Variants in SCN11A observed in about 807,000 individuals in gnomAD.
The protein encoded by SCN11A is sodium channel protein type 11 subunit alpha.
In SCN11A, 122 loss-of-function variants were observed where a neutral mutation model predicts 162.2. The ratio of observed to expected loss-of-function variants is 0.75; its 90% CI spans 0.65 to 0.87. The LOEUF (loss-of-function observed/expected upper bound fraction) is 0.87. Ranked by LOEUF, SCN11A falls within the 40% of genes least tolerant of loss-of-function variation. SCN11A has a pLI of 0.00. For synonymous variants in SCN11A, 758 were observed against 751.5 expected, an observed-to-expected ratio of 1.01 and a Z score of -0.14; for missense variants, 2,015 against 2,181.6, an observed-to-expected ratio of 0.92 and a Z score of 1.52.
At chr3:39,047,657 T>G (rs1466001773) in intron 1 of SCN11A, among the ~76,000 whole-genome samples, 3 of 151,670 alleles carry the variant, frequency 2.0e-5, no homozygotes, top group African/African-American at 7.3e-5. Context: ...CCAGGAAGTA[T>G]AAAAAACTCA....
intron 16 of SCN11A, among the ~76,000 whole-genome samples, chr3:38,902,581 G>A (rs549477471): frequency 6.0e-5 from 9 of 151,164 alleles, no homozygotes; most frequent in Non-Finnish European, 8.8e-5. Context: ...GCAGTGGCAC[G>A]ATCTCGGCTC....
At chr3:38,940,868 T>A (rs2066432933) in intron 7 of SCN11A, among the ~76,000 whole-genome samples, 1 of 152,128 alleles carries the variant, frequency 6.6e-6, no homozygotes, top group Non-Finnish European at 1.5e-5. Flanking sequence ...GATGCCTGCT[T>A]CAATTGTGAT....
intron 17 of SCN11A, among the ~76,000 whole-genome samples, chr3:38,898,194 C>T (rs540806396): frequency 2.0e-5 from 3 of 152,238 alleles, no homozygotes; most frequent in South Asian, 4.1e-4. Flanking sequence ...GCTGAGATCA[C>T]GCCACTGTAC....
At chr3:39,034,476 T>C (rs1031208423) in intron 1 of SCN11A, among the ~76,000 whole-genome samples, 1 of 152,164 alleles carries the variant, frequency 6.6e-6, no homozygotes, top group Non-Finnish European at 1.5e-5. Flanking sequence ...AAAAGCCATA[T>C]ACAACAGACC....
intron 23 of SCN11A, among the ~76,000 whole-genome samples, chr3:38,875,240 T>C (rs1040410491): frequency 6.6e-6 from 1 of 152,218 alleles, no homozygotes; most frequent in African/African-American, 2.4e-5. Context: ...AGATATATAA[T>C]TGTAAGATTA....
intron 14 of SCN11A, among the ~76,000 whole-genome samples, chr3:38,906,129 T>G (rs1267126601): frequency 6.6e-6 from 1 of 152,216 alleles, no homozygotes; most frequent in Admixed American, 6.5e-5. Context: ...TACCTACTTC[T>G]GCAAAGGCCT....
chr3:38,892,033 A>T (rs2065508913), intron 19 of SCN11A, among the ~76,000 whole-genome samples: 1 of 152,268 alleles, frequency 6.6e-6, no homozygotes, highest in African/African-American at 2.4e-5. Flanking sequence ...GAAAGTAGCA[A>T]GAGAAAAGTG....
At chr3:38,902,769 G>A (rs141045123) in intron 16 of SCN11A, among the ~76,000 whole-genome samples, 2,415 of 151,772 alleles carry the variant, frequency 0.016, 64 homozygotes, top group African/African-American at 0.056. Context: ...TGCCTGCCTC[G>A]GCCTCCCAAA....
At position 38,867,320 on chromosome 3, in the gene SCN11A, T is replaced by A; in HGVS notation, c.3951+1A>T. The A allele has an allele frequency of 6.2e-7, 1 of 1,611,766 alleles. No homozygotes were observed. ...CAAATCAAGACAACCCAGATACTTA[T>A]CTTTTTCTGCTGTTGGTTGAAGTTG... On this transcript the variant is annotated splice_donor_variant, in intron 27 of 29. Coordinates refer to ENST00000302328, the MANE Select transcript of SCN11A (RefSeq NM_001349253.2). LOFTEE classifies it high-confidence loss of function.
chr3:38,899,177 C>T (rs1249208591), intron 17 of SCN11A, among the ~76,000 whole-genome samples: 2 of 152,144 alleles, frequency 1.3e-5, no homozygotes, highest in Non-Finnish European at 2.9e-5. Flanking sequence ...TTCCCCTTCT[C>T]AGATTGGATT....
At chr3:39,025,018 C>T (rs920949966) in intron 2 of SCN11A, among the ~76,000 whole-genome samples, 40 of 152,152 alleles carry the variant, frequency 2.6e-4, no homozygotes, top group Admixed American at 1.8e-3. Context: ...ACCCTCAAAG[C>T]GCCAAGTGAA....
In SCN11A at chr3:38,965,304, T is replaced by G. The variant is rs569791236; in HGVS notation, c.-279-4881A>C. Among the ~76,000 whole-genome samples the G allele has an allele frequency of 2.0e-5, 3 of 152,338 alleles. No homozygotes were observed. In the East Asian group the frequency reaches 5.8e-4, roughly 29 times the overall value. ...TAACTGCTAACCTCCTCATAGTCCT[T>G]TCTGAGACCCAGCCCTGGCTCCTCA... On this transcript the variant is annotated intron_variant, in intron 2 of 29. Transcript: ENST00000302328.
chr3:38,894,531 A>T lies in SCN11A; in HGVS notation c.2835+2T>A, dbSNP rs1559513114. ...TTTAAGTCTATGTGTGAACCTTCAT[A>T]CCTGTTGTTCAGGCTCAGGTTGTGT... On this transcript the variant is annotated splice_donor_variant, in intron 19 of 29. Coordinates refer to ENST00000302328, the MANE Select transcript of SCN11A (RefSeq NM_001349253.2). LOFTEE classifies it high-confidence loss of function. The T allele has an allele frequency of 6.3e-7, 1 of 1,595,322 alleles. No homozygotes were observed. The highest frequency in any genetic ancestry group is 1.3e-5 in the African/African-American group (1 of 74,680).
chr3:38,891,113 C>T (rs915753410), intron 19 of SCN11A, among the ~76,000 whole-genome samples: 1 of 150,834 alleles, frequency 6.6e-6, no homozygotes, highest in Non-Finnish European at 1.5e-5. Flanking sequence ...TGCAAAGAAG[C>T]CATTATAAAT....
intron 2 of SCN11A, among the ~76,000 whole-genome samples, chr3:39,029,521 G>A (rs2031689891): frequency 6.6e-6 from 1 of 152,210 alleles, no homozygotes; most frequent in Admixed American, 6.5e-5. Context: ...CCCATAGTGG[G>A]AAAGGACATA....
intron 25 of SCN11A, among the ~76,000 whole-genome samples, chr3:38,871,219 T>A (rs1295281030): frequency 6.6e-6 from 1 of 152,150 alleles, no homozygotes; most frequent in African/African-American, 2.4e-5. Context: ...AGGTGAGATG[T>A]ACAGATCCTT....
intron 11 of SCN11A, among the ~76,000 whole-genome samples, chr3:38,914,010 A>G (rs2065923667): frequency 6.6e-6 from 1 of 152,044 alleles, no homozygotes; most frequent in African/African-American, 2.4e-5. Context: ...TTAAAACAGC[A>G]TTTTTTAAAT....
At position 38,891,528 on chromosome 3, in the gene SCN11A, G is replaced by A. The variant is rs574458194; in HGVS notation, c.2835+3005C>T. 4.7e-3 allele frequency among the ~76,000 whole-genome samples: 720 copies of A among 152,296 alleles called. 2 individuals are homozygous for A. Among genetic ancestry groups the A allele is most frequent in the Middle Eastern group, 6.8e-3 (2 of 294 alleles). On this transcript the variant is annotated intron_variant, in intron 19 of 29. Transcript: ENST00000302328. ...CGAAAACATTAATCTACACGTCTTAGTCCAATTTATGCTGCTATAATAGAA... is the reference window on the plus strand; with the variant it reads ...CGAAAACATTAATCTACACGTCTTAATCCAATTTATGCTGCTATAATAGAA...
intron 2 of SCN11A, among the ~76,000 whole-genome samples, chr3:39,030,364 A>G (rs2031715214): frequency 6.6e-6 from 1 of 152,186 alleles, no homozygotes; most frequent in Non-Finnish European, 1.5e-5. Context: ...AAAAAATCCC[A>G]GTCTCAACGG....
Sources: allele counts gnomAD v4.1 joint callset (sites outside exome capture counted in the v4.1 genomes callset), GRCh38; gene constraint gnomAD v4.1.1; transcripts MANE v1.5; gene names NCBI Gene and HGNC (gene_info 2026-07-23, HGNC 2026-07-21).